SBNO2: variants seen among roughly 807,000 people sequenced by gnomAD.
SBNO2 encodes protein strawberry notch homolog 2.
Under a neutral mutation model 146.3 loss-of-function variants are expected in SBNO2, and 89 were observed. The ratio of observed to expected loss-of-function variants is 0.61; its 90% confidence interval spans 0.51 to 0.73. The LOEUF (loss-of-function observed/expected upper bound fraction) is 0.73, where lower values mean the gene tolerates loss of function less well. SBNO2 is among the 30% of genes least tolerant of loss of function. SBNO2 has a pLI of 0.00. For missense variants in SBNO2, 2,092 were observed against 2,003.7 expected (o/e 1.04, Z -0.84); for synonymous variants, 1,147 against 892.6 (o/e 1.29, Z -5.08).
chr19:1,173,902 G>C lies in SBNO2; in HGVS notation c.-127+270C>G, dbSNP rs974212478. 3 of 150,664 alleles carry C rather than the reference G, an allele frequency of 2.0e-5. No individual in the cohort carries two copies. The highest frequency in any genetic ancestry group is 2.0e-4 in the East Asian group (1 of 5,106). 9.3% of individuals were successfully genotyped at this position (150,664 alleles called of 1,614,324 possible). A position where few individuals can be genotyped will look rare whatever the true frequency, so the allele number is the denominator to read the frequency against. ...CGTGGAAGGTAGGGTTAAGGTTCAC[G>C]GCAGGGGGTCGCCGGGGGGCGGGGG... On this transcript the variant is annotated intron_variant, in intron 1 of 31. Transcript: ENST00000361757. This position sits in a 1 kb window ranked among gnomAD's most constrained non-coding sequence, Gnocchi z 4.7.
At position 1,151,396 on chromosome 19, in the gene SBNO2, CG is replaced by C. The variant is rs35105819; in HGVS notation, c.94-1955del. 2.6e-5 allele frequency among the ~76,000 whole-genome samples: 4 copies of C among 152,172 alleles called. No homozygotes were observed. The East Asian group carries it at 7.7e-4, about 29-fold the overall frequency. ...ACCCAGGCCAGGCTAGGGGATGGGA[CG>C]GGGGGAAAGTCCTGACTGCCTCTAT... On this transcript the variant is annotated intron_variant, in intron 2 of 31. Transcript: ENST00000361757.
At chr19:1,123,777 C>T (rs1453656105) in intron 6 of SBNO2, 138 bp from the exon 7 acceptor site, 1 of 1,071,662 alleles carries the variant, frequency 9.3e-7, no homozygotes, top group Non-Finnish European at 1.3e-6. Context: ...TCTGCCCCTG[C>T]AGCAAGGTGC....
chr19:1,113,385 C>T, intron 19 of SBNO2, 150 bp downstream of exon 19: 1 of 721,510 alleles, frequency 1.4e-6, no homozygotes, highest in Non-Finnish European at 2.2e-6. Context: ...CACGCTGCTG[C>T]CCCAGGGCTC....
At chr19:1,118,369 T>C (rs1279171957) in intron 14 of SBNO2, among the ~76,000 whole-genome samples, 1 of 150,808 alleles carries the variant, frequency 6.6e-6, no homozygotes, top group Non-Finnish European at 1.5e-5. Context: ...CCATCGAACA[T>C]ACAGGGCTGT....
intron 1 of SBNO2, among the ~76,000 whole-genome samples, chr19:1,170,796 CAA>C (rs1403359587): frequency 6.6e-6 from 1 of 152,102 alleles, no homozygotes. Flanking sequence ...CGGGCACACA[CAA>C]CATGCACACA....
rs866872942 is a variant in SBNO2, at chr19:1,157,535, G to A, written c.-126-3133C>T. Among the ~76,000 whole-genome samples the A allele has an allele frequency of 3.3e-5, 5 of 150,508 alleles. No individual in the cohort carries two copies. The highest frequency in any genetic ancestry group is 6.6e-5 in the Admixed American group (1 of 15,120). ...CCTGCCTGGTTTTATTTTTGGGCGC[G>A]AGTCCCATGACTGGAGGGATGCGTG... On this transcript the variant is annotated intron_variant, in intron 1 of 31. Transcript: ENST00000361757. This position sits in a 1 kb window ranked among gnomAD's most constrained non-coding sequence, Gnocchi z 6.8.
At chr19:1,132,288 C>CCGCCGG in intron 4 of SBNO2, 1 of 1,312,232 alleles carries the variant, frequency 7.6e-7, no homozygotes, top group Non-Finnish European at 9.7e-7. Flanking sequence ...TTAGTCACCG[C>CCGCCGG]CGCCGGCGCC....
At chr19:1,118,607 G>A (rs146530399) in intron 14 of SBNO2, among the ~76,000 whole-genome samples, 2 of 152,302 alleles carry the variant, frequency 1.3e-5, no homozygotes, top group African/African-American at 2.4e-5. Flanking sequence ...CGTGGCTCAC[G>A]CCTGTCATCC....
rs201338029 is a variant in SBNO2 at position 1,113,667 on chromosome 19, G to C, written c.2115C>G (p.Pro705=). The C allele has an allele frequency of 1.3e-4, 207 of 1,593,344 alleles. No individual in the cohort carries two copies. Among genetic ancestry groups the C allele is most frequent in the Non-Finnish European group, 1.7e-4 (200 of 1,171,166 alleles). ...LCLLQRDPHG[P]GVLERVERLK... ...GCCGCTCCACCCGCTCCAGGACCCC[G>C]GGGCCATGCGGGTCTCTCTGCAGGA... Residue 705 remains proline, a synonymous_variant, in exon 19 of 32, where the codon CCC becomes CCG. Transcript: ENST00000361757.
rs1179131033 is a variant in SBNO2 at position 1,173,877 on chromosome 19, C to G, written c.-127+295G>C. On this transcript the variant is annotated intron_variant, in intron 1 of 31. Coordinates refer to ENST00000361757, the MANE Select transcript of SBNO2 (RefSeq NM_014963.3). The surrounding 1 kb of genome is among the most constrained non-coding windows in gnomAD (Gnocchi z 4.7). ...GGGAAGGAAAGGTTGGGAGGGTTGT[C>G]GTGGAAGGTAGGGTTAAGGTTCACG... is the stretch of plus-strand genomic sequence containing the variant. The G allele has an allele frequency of 1.2e-5, 1 of 82,106 alleles. No individual in the cohort carries two copies. Among genetic ancestry groups the G allele is most frequent in the South Asian group, 4.0e-4 (1 of 2,482 alleles). 5.1% of individuals were successfully genotyped at this position (82,106 alleles called of 1,614,324 possible). A position where few individuals can be genotyped will look rare whatever the true frequency, so the allele number is the denominator to read the frequency against.
rs768974535 is a variant in SBNO2 at position 1,157,591 on chromosome 19, G to A, written c.-126-3189C>T. Among the ~76,000 whole-genome samples the A allele has an allele frequency of 2.6e-5, 4 of 152,300 alleles. No homozygotes were observed. In the East Asian group the frequency reaches 5.8e-4, roughly 22 times the overall value. On this transcript the variant is annotated intron_variant, in intron 1 of 31. Transcript: ENST00000361757. This position sits in a 1 kb window ranked among gnomAD's most constrained non-coding sequence, Gnocchi z 6.8. ...GGGGTTGGGGGGGCGGGGGTCACAC[G>A]GTTCCCACCTTGGGAGGGGGCCCGC...
intron 4 of SBNO2, among the ~76,000 whole-genome samples, chr19:1,128,483 C>T (rs2079992913): frequency 6.6e-6 from 1 of 151,900 alleles, no homozygotes; most frequent in Non-Finnish European, 1.5e-5. Context: ...CCCTCTGCCT[C>T]CCAGGTGCAA....
chr19:1,173,856 A>C lies in SBNO2; in HGVS notation c.-127+316T>G, dbSNP rs997995628. ...CAGGGAGTCACCCGGAAGAGCGGGA[A>C]GGAAAGGTTGGGAGGGTTGTCGTGG... On this transcript the variant is annotated intron_variant, in intron 1 of 31. Transcript: ENST00000361757. The surrounding 1 kb of genome is among the most constrained non-coding windows in gnomAD (Gnocchi z 4.7). The C allele has an allele frequency of 9.5e-5, 13 of 136,268 alleles. No individual in the cohort carries two copies. The highest frequency in any genetic ancestry group is 3.6e-4 in the African/African-American group (13 of 36,216). 8.4% of individuals were successfully genotyped at this position (136,268 alleles called of 1,614,324 possible).
Position 1,112,332 on chromosome 19 carries a change from C to T in SBNO2, c.2516-31G>A. The T allele has an allele frequency of 6.4e-7, 1 of 1,568,856 alleles. No homozygotes were observed. The highest frequency in any genetic ancestry group is 8.6e-7 in the Non-Finnish European group (1 of 1,159,182). On this transcript the variant is annotated intron_variant, in intron 21 of 31. Transcript: ENST00000361757. The surrounding 1 kb of genome is among the most constrained non-coding windows in gnomAD (Gnocchi z 5.9). The stretch of plus-strand genomic sequence containing the variant: ...GGCAGAGCTGCTCTCAGGGCCCGGC[C>T]AGGCGGGGGCGGGGCCGAGACCATG...
chr19:1,150,004 G>C lies in SBNO2; in HGVS notation c.94-562C>G, dbSNP rs1047099044. 2.6e-5 allele frequency among the ~76,000 whole-genome samples: 4 copies of C among 152,290 alleles called. No individual in the cohort carries two copies. Among genetic ancestry groups the C allele is most frequent in the African/African-American group, 9.6e-5 (4 of 41,564 alleles). On this transcript the variant is annotated intron_variant, in intron 2 of 31. Transcript: ENST00000361757. The surrounding 1 kb of genome is among the most constrained non-coding windows in gnomAD (Gnocchi z 6.2). ...GGGACGGGGCCCTGACTTCTCAGAA[G>C]CTGCACGGGGCTGGGGTGCGGGGAG...
rs1156791200 is a variant in SBNO2 at position 1,143,605 on chromosome 19, T to TGC, written c.279+3702_279+3703dup. 3.9e-5 allele frequency among the ~76,000 whole-genome samples: 6 copies of TGC among 152,324 alleles called. No homozygotes were observed. The East Asian group carries it at 1.2e-3, about 29-fold the overall frequency. ...GGGCTCCAGGGGAAAACCCAGTTCCTGCCTTTCCAGTGTCCAGAGGCACCC... is the reference window on the plus strand; with the variant it reads ...GGGCTCCAGGGGAAAACCCAGTTCCTGCGCCTTTCCAGTGTCCAGAGGCACCC... On this transcript the variant is annotated intron_variant, in intron 4 of 31. Transcript: ENST00000361757.
chr19:1,174,062 C>A (rs962765475), intron 1 of SBNO2, 110 bp downstream of exon 1: 32 of 151,164 alleles, frequency 2.1e-4, no homozygotes, highest in Middle Eastern at 3.4e-3. Context: ...GCCCCCAGAA[C>A]CCCCAGCCCC....
intron 17 of SBNO2, 167 bp downstream of exon 17, chr19:1,115,854 G>T (rs553208785): frequency 3.0e-6 from 2 of 676,984 alleles, no homozygotes. Flanking sequence ...CAGGGTCCAC[G>T]CAAGACCTGC....
In SBNO2 at chr19:1,109,049, C is replaced by G. The variant is rs2079716311; in HGVS notation, c.3426-80G>C. On this transcript the variant is annotated intron_variant, in intron 30 of 31. Coordinates refer to ENST00000361757, the MANE Select transcript of SBNO2 (RefSeq NM_014963.3). The surrounding 1 kb of genome is among the most constrained non-coding windows in gnomAD (Gnocchi z 4.2). Reference sequence around the variant, plus strand: ...CCCCAGGTGCCCTGAGATCTCCCGCCTCCTCTCAGGGTCTCGGGAGCCCCC... The same window carrying G: ...CCCCAGGTGCCCTGAGATCTCCCGCGTCCTCTCAGGGTCTCGGGAGCCCCC... 10 of 1,508,228 alleles carry G rather than the reference C, an allele frequency of 6.6e-6. No individual in the cohort carries two copies. The highest frequency in any genetic ancestry group is 8.9e-6 in the Non-Finnish European group (10 of 1,128,086). 93.4% of individuals were successfully genotyped at this position (1,508,228 alleles called of 1,614,324 possible).
Sources: gnomAD v4.1 joint callset for allele counts (sites outside exome capture counted in the v4.1 genomes callset) on GRCh38, gnomAD v4.1.1 for gene constraint, Gnocchi (gnomAD v3.1) non-coding constraint, MANE v1.5 for transcripts, NCBI Gene and HGNC (gene_info 2026-07-23, HGNC 2026-07-21) for gene names.